Variants in ZNF354C observed in about 807,000 individuals in gnomAD.
ZNF354C encodes the protein KRAB-zinc finger protein synten.
Under a neutral mutation model 12.4 loss-of-function variants are expected in ZNF354C, and 7 were observed. The ratio of observed to expected loss-of-function variants is 0.56; its 90% confidence interval spans 0.32 to 1.06. The LOEUF (loss-of-function observed/expected upper bound fraction) is 1.06, where lower values mean the gene tolerates loss of function less well. ZNF354C is among the 50% of genes least tolerant of loss of function. The pLI is 0.04. For synonymous variants in ZNF354C, 202 were observed against 224.5 expected (o/e 0.90, Z 0.90); for missense variants, 609 against 658.0 (o/e 0.93, Z 0.81).
chr5:179,073,447 ATAC>A (rs1762074986), intron 2 of ZNF354C, among the ~76,000 whole-genome samples: 1 of 152,226 alleles, frequency 6.6e-6, no homozygotes, highest in South Asian at 2.1e-4. Context: ...AAGCAAAATA[ATAC>A]TATTGTATTA....
chr5:179,071,076 C>A (rs1427093148), intron 2 of ZNF354C, among the ~76,000 whole-genome samples: 1 of 151,974 alleles, frequency 6.6e-6, no homozygotes, highest in African/African-American at 2.4e-5. Flanking sequence ...TGGTCTTGAT[C>A]TCCTGACCTC....
At chr5:179,077,854 G>A (rs927288922) in intron 4 of ZNF354C, among the ~76,000 whole-genome samples, 10 of 138,342 alleles carry the variant, frequency 7.2e-5, no homozygotes, top group Middle Eastern at 4.3e-3. Context: ...CACCCAGGCC[G>A]GAGTGCAGTG....
Position 179,079,985 on chromosome 5 carries a change from A to G in ZNF354C, c.1553A>G (p.His518Arg). The change falls in exon 5 of 5, where the codon CAC becomes CGC. Residue 518 changes from histidine (H) to arginine (R), a missense_variant. Transcript: ENST00000315475. The surrounding 1 kb of genome is among the most constrained non-coding windows in gnomAD (Gnocchi z 4.2). ...RSNLCRHKKV[H>R]TKEKLYKWKE... ...AACCTTTGTAGACACAAAAAAGTTC[A>G]CACGAAAGAGAAACTCTATAAGTGG... 1.2e-6 allele frequency: 2 copies of G among 1,614,068 alleles called. No individual in the cohort carries two copies. The highest frequency in any genetic ancestry group is 1.7e-6 in the Non-Finnish European group (2 of 1,179,970).
rs1762257989 is a variant in ZNF354C at position 179,083,653 on chromosome 5, C to A, written c.*3556C>A. 6.6e-6 allele frequency: 1 copy of A among 152,130 alleles called. No homozygotes were observed. Among genetic ancestry groups the A allele is most frequent in the South Asian group, 2.1e-4 (1 of 4,830 alleles). The allele number at this position is 152,130 out of a possible 1,614,324, so 9.4% of individuals were successfully genotyped here. Reference sequence around the variant, plus strand: ...TGGCAATAAAGTAACTAGGTGGTACCAGTTCTCCTTTAAATGGAATGAGCA... The same window carrying A: ...TGGCAATAAAGTAACTAGGTGGTACAAGTTCTCCTTTAAATGGAATGAGCA... On this transcript the variant is annotated 3_prime_UTR_variant, in exon 5 of 5. Coordinates refer to ENST00000315475, the MANE Select transcript of ZNF354C (RefSeq NM_014594.3).
intron 2 of ZNF354C, among the ~76,000 whole-genome samples, chr5:179,075,918 G>A (rs1009580229): frequency 6.6e-6 from 1 of 152,232 alleles, no homozygotes; most frequent in African/African-American, 2.4e-5. Context: ...TACAAATGCA[G>A]CATCTTGAAA....
At chr5:179,068,347 C>T (rs1761986943) in intron 2 of ZNF354C, among the ~76,000 whole-genome samples, 2 of 152,176 alleles carry the variant, frequency 1.3e-5, no homozygotes, top group Non-Finnish European at 2.9e-5. Flanking sequence ...TGTTCTTTTG[C>T]ATCCTTTCTA....
In ZNF354C at chr5:179,078,879, G is replaced by A. The variant is rs755100315; in HGVS notation, c.447G>A (p.Ser149=). The part of the protein sequence containing the change: ...EKKPLRQMID[S]HEKTISEDGN... ...AACCTCTTAGACAAATGATAGATTC[G>A]CATGAGAAAACCATCAGTGAAGATG... The change falls in exon 5 of 5, where the codon TCG becomes TCA. Residue 149 remains serine, a synonymous_variant. Coordinates refer to ENST00000315475, the MANE Select transcript of ZNF354C (RefSeq NM_014594.3). The A allele has an allele frequency of 9.3e-6, 15 of 1,614,030 alleles. No homozygotes were observed. Among genetic ancestry groups the A allele is most frequent in the Admixed American group, 3.3e-5 (2 of 60,002 alleles).
intron 2 of ZNF354C, among the ~76,000 whole-genome samples, chr5:179,072,850 A>G (rs1021992154): frequency 2.0e-5 from 3 of 152,174 alleles, no homozygotes; most frequent in African/African-American, 4.8e-5. Context: ...GTATGTATGT[A>G]TATGTTGTAT....
intron 2 of ZNF354C, among the ~76,000 whole-genome samples, chr5:179,065,863 A>C (rs1268242523): frequency 2.6e-5 from 4 of 152,184 alleles, no homozygotes; most frequent in Admixed American, 2.6e-4. Flanking sequence ...TACTAATAAC[A>C]TGACATCCCT....
At chr5:179,074,716 A>G (rs974424816) in intron 2 of ZNF354C, among the ~76,000 whole-genome samples, 3 of 152,146 alleles carry the variant, frequency 2.0e-5, no homozygotes, top group African/African-American at 7.2e-5. Flanking sequence ...TTGCCTTTCA[A>G]TAAAAACCTT....
chr5:179,067,185 T>C (rs1761968465), intron 2 of ZNF354C, among the ~76,000 whole-genome samples: 1 of 152,174 alleles, frequency 6.6e-6, no homozygotes, highest in South Asian at 2.1e-4. Flanking sequence ...GACTAAAGGC[T>C]ATAGAATCGT....
intron 2 of ZNF354C, among the ~76,000 whole-genome samples, chr5:179,069,585 G>T (rs573570862): frequency 4.5e-4 from 62 of 137,970 alleles, no homozygotes; most frequent in African/African-American, 1.6e-3. Context: ...AAAAAGAAAG[G>T]CCGGGCACGG....
In ZNF354C at chr5:179,078,706, G is replaced by A. The variant is rs1762164321; in HGVS notation, c.274G>A (p.Glu92Lys). The change falls in exon 5 of 5, where the codon GAA becomes AAA. Residue 92 changes from glutamate (E) to lysine (K), a missense_variant. By Grantham distance (56) the Glu-to-Lys change is moderately conservative. Transcript: ENST00000315475. Reference protein sequence around the residue: ...RLGFKTWLETEALPHRQDIFI... With the variant: ...RLGFKTWLETKALPHRQDIFI... ...AGGTTTCAAGACTTGGCTTGAAACA[G>A]AAGCATTGCCTCATAGACAGGACAT... is the stretch of plus-strand genomic sequence containing the variant. 6.3e-7 allele frequency: 1 copy of A among 1,595,566 alleles called. No individual in the cohort carries two copies. Among genetic ancestry groups the A allele is most frequent in the African/African-American group, 1.4e-5 (1 of 73,728 alleles).
intron 2 of ZNF354C, 61 bp downstream of exon 2, chr5:179,062,156 C>A: frequency 6.3e-7 from 1 of 1,599,760 alleles, no homozygotes; most frequent in Non-Finnish European, 8.6e-7. Context: ...AGATGGTAGA[C>A]ATGTTTCCAG....
intron 3 of ZNF354C, among the ~76,000 whole-genome samples, 162 bp from the exon 4 acceptor site, chr5:179,076,909 G>T (rs6863623): frequency 1.3e-5 from 2 of 152,062 alleles, no homozygotes; most frequent in African/African-American, 2.4e-5. Context: ...GACCTTCCCC[G>T]GCCATTGACA....
In ZNF354C at chr5:179,078,508, T is replaced by G. The variant is rs1762161728; in HGVS notation, c.251-175T>G. Among the ~76,000 whole-genome samples, 2 of 152,240 alleles carry G rather than the reference T, an allele frequency of 1.3e-5. 1 individual carries two copies. ...TATTCTCCCATGCCATTCCTTAACC[T>G]GTTTACCTCACTTTCCTTTATCCCA... On this transcript the variant is annotated intron_variant, in intron 4 of 4. Transcript: ENST00000315475.
In ZNF354C at chr5:179,077,087, G is replaced by C. The variant is rs1199503526; in HGVS notation, c.171G>C (p.Met57Ile). The C allele has an allele frequency of 1.4e-5, 23 of 1,614,056 alleles. No individual in the cohort carries two copies. Among genetic ancestry groups the C allele is most frequent in the Non-Finnish European group, 1.9e-5 (23 of 1,180,044 alleles). The change falls in exon 4 of 5, where the codon ATG becomes ATC. Residue 57 changes from methionine to isoleucine, a missense_variant. Transcript: ENST00000315475. ...CATGAGCAGGGATTCCATTTTCAAT[G>C]CCAAAGTTGATTCATCAGTTGCAGC... The part of the protein sequence containing the change: ...SLVSLGIPFS[M>I]PKLIHQLQQG...
Position 179,080,130 on chromosome 5 carries a change from G to A in ZNF354C, c.*33G>A. 1 of 1,429,042 alleles carries A rather than the reference G, an allele frequency of 7.0e-7. No individual in the cohort carries two copies. The highest frequency in any genetic ancestry group is 1.4e-5 in the African/African-American group (1 of 69,988). The allele number at this position is 1,429,042 out of a possible 1,614,324, so 88.5% of individuals were successfully genotyped here. A position where few individuals can be genotyped will look rare whatever the true frequency, so the allele number is the denominator to read the frequency against. On this transcript the variant is annotated 3_prime_UTR_variant, in exon 5 of 5. Coordinates refer to ENST00000315475, the MANE Select transcript of ZNF354C (RefSeq NM_014594.3). The stretch of plus-strand genomic sequence containing the variant: ...CTCAAATAATCCAAGACTTCTCACT[G>A]GGGAATAAGGGAATAATAAATAGGG...
chr5:179,079,627 C>G lies in ZNF354C; in HGVS notation c.1195C>G (p.Leu399Val). The change falls in exon 5 of 5, where the codon CTT (leucine) becomes GTT (valine). Residue 399 changes from leucine (L) to valine (V), a missense_variant. Coordinates refer to ENST00000315475, the MANE Select transcript of ZNF354C (RefSeq NM_014594.3). The surrounding 1 kb of genome is among the most constrained non-coding windows in gnomAD (Gnocchi z 4.2). Reference sequence around the variant, plus strand: ...GAGAACCTTCACACGTATTGTAACCCTTATCGAACATCAGCGAATTCACAC... The same window carrying G: ...GAGAACCTTCACACGTATTGTAACCGTTATCGAACATCAGCGAATTCACAC... ...CGRTFTRIVT[L>V]IEHQRIHTGQ... 6.2e-7 allele frequency: 1 copy of G among 1,614,152 alleles called. No individual in the cohort carries two copies. Among genetic ancestry groups the G allele is most frequent in the Non-Finnish European group, 8.5e-7 (1 of 1,180,034 alleles).
Sources: allele counts gnomAD v4.1 joint callset (sites outside exome capture counted in the v4.1 genomes callset), GRCh38; gene constraint gnomAD v4.1.1; non-coding constraint Gnocchi (gnomAD v3.1); transcripts MANE v1.5; gene names NCBI Gene and HGNC (gene_info 2026-07-23, HGNC 2026-07-21).